The following RHOBTB1 variants were observed in gnomAD, a reference collection of about 807,000 sequenced individuals.
RHOBTB1 encodes Rho related BTB domain containing 1, also known as rho-related BTB domain-containing protein 1.
In RHOBTB1, 40 loss-of-function variants were observed where a neutral mutation model predicts 71.6. That is an observed-to-expected ratio of 0.56 (90% CI 0.43 to 0.73). RHOBTB1 has a LOEUF of 0.73. RHOBTB1 is among the 30% of genes least tolerant of loss of function. The probability of loss-of-function intolerance (pLI) is 0.00; values close to 1 mark genes in which losing one functional copy is unlikely to be tolerated. For synonymous variants in RHOBTB1, 319 were observed against 334.9 expected (o/e 0.95, Z 0.52); for missense variants, 797 against 894.0 (o/e 0.89, Z 1.38).
At chr10:60,910,811 G>T in intron 4 of RHOBTB1, 76 bp downstream of exon 4, 1 of 1,084,920 alleles carries the variant, frequency 9.2e-7, no homozygotes, top group South Asian at 1.3e-5. Flanking sequence ...GGTTTTTGTT[G>T]ATTTGTAAAC....
At chr10:60,948,293 C>T (rs1271802087), upstream of RHOBTB1, among the ~76,000 whole-genome samples, 7 of 152,210 alleles carry the variant, frequency 4.6e-5, no homozygotes, top group Non-Finnish European at 1.0e-4. Flanking sequence ...TATTGTTCAA[C>T]ATTTCTATTG....
At chr10:60,925,711 C>A (rs1232791722) in intron 2 of RHOBTB1, among the ~76,000 whole-genome samples, 1 of 151,976 alleles carries the variant, frequency 6.6e-6, no homozygotes, top group Non-Finnish European at 1.5e-5. Context: ...AATAAAATCA[C>A]ATATAAAAAA....
At chr10:60,904,886 AG>A (rs2082587341) in intron 4 of RHOBTB1, among the ~76,000 whole-genome samples, 2 of 152,170 alleles carry the variant, frequency 1.3e-5, no homozygotes, top group Non-Finnish European at 2.9e-5. Context: ...TTTTTGTTAC[AG>A]CAGCACACTG....
In RHOBTB1 at chr10:60,924,645, G is replaced by A. The variant is rs113516048; in HGVS notation, c.-10-13093C>T. Among the ~76,000 whole-genome samples, 812 of 152,130 alleles carry A rather than the reference G, an allele frequency of 5.3e-3. 13 individuals carry two copies. Among genetic ancestry groups the A allele is most frequent in the African/African-American group, 0.018 (753 of 41,494 alleles). Reference sequence around the variant, plus strand: ...CTTAGTCTGCACTATAGACCAAATGGACCTAACAGACATTTACAGAACATT... The same window carrying A: ...CTTAGTCTGCACTATAGACCAAATGAACCTAACAGACATTTACAGAACATT... On this transcript the variant is annotated intron_variant, in intron 2 of 10. Coordinates refer to ENST00000337910, the MANE Select transcript of RHOBTB1 (RefSeq NM_014836.5).
At chr10:60,898,642 A>T (rs1329084611) in intron 4 of RHOBTB1, among the ~76,000 whole-genome samples, 3 of 152,182 alleles carry the variant, frequency 2.0e-5, no homozygotes, top group African/African-American at 7.2e-5. Context: ...AGTGCCCTGG[A>T]TGTGAGCAGA....
intron 2 of RHOBTB1, among the ~76,000 whole-genome samples, chr10:60,957,272 AATTGTATTAATATGTTCT>A (rs2085626531): frequency 6.6e-6 from 1 of 152,188 alleles, no homozygotes; most frequent in South Asian, 2.1e-4. Context: ...TGCTGTACCT[AATTGTATTAATATGTTCT>A]ATACTTTTAT....
downstream of RHOBTB1, among the ~76,000 whole-genome samples, chr10:60,867,046 T>TAA (rs947162563): frequency 2.0e-5 from 3 of 152,170 alleles, no homozygotes; most frequent in Non-Finnish European, 4.4e-5. Flanking sequence ...ACTAAGCACT[T>TAA]ATTATGTCCA....
At chr10:60,876,688 A>G (rs2132290160) in intron 8 of RHOBTB1, among the ~76,000 whole-genome samples, 1 of 152,324 alleles carries the variant, frequency 6.6e-6, no homozygotes, top group Admixed American at 6.5e-5. Flanking sequence ...ATTTGGATCT[A>G]TTAAGTATAT....
downstream of RHOBTB1, among the ~76,000 whole-genome samples, chr10:60,867,938 G>A (rs1375398180): frequency 6.6e-6 from 1 of 152,000 alleles, no homozygotes; most frequent in Non-Finnish European, 1.5e-5. Flanking sequence ...TTAAGTCGAG[G>A]GATATGCAGT....
intron 7 of RHOBTB1, among the ~76,000 whole-genome samples, chr10:60,881,649 T>C (rs1415784650): frequency 2.6e-5 from 4 of 152,254 alleles, no homozygotes. Flanking sequence ...GAATAGATGC[T>C]ATTAAAAGCT....
intron 1 of RHOBTB1, among the ~76,000 whole-genome samples, chr10:60,999,228 C>T (rs932363550): frequency 2.0e-5 from 3 of 151,980 alleles, no homozygotes; most frequent in South Asian, 2.1e-4. Flanking sequence ...TTAGCAACTG[C>T]GCATCCAAAT....
At position 60,990,302 on chromosome 10, in the gene RHOBTB1, C is replaced by T. The variant is rs555427052; in HGVS notation, c.-162-4357G>A. On this transcript the variant is annotated intron_variant, in intron 1 of 11. Coordinates refer to the RHOBTB1 transcript ENST00000357917. ...CCGGCCAACCTCAGACTGTTCTATG[C>T]CCAAACTCCATCCTAGTTTCTCTCT... 4.2e-4 allele frequency among the ~76,000 whole-genome samples: 64 copies of T among 152,164 alleles called. 1 individual carries two copies. Among genetic ancestry groups the T allele is most frequent in the African/African-American group, 1.4e-3 (59 of 41,522 alleles).
intron 2 of RHOBTB1, among the ~76,000 whole-genome samples, chr10:60,923,485 T>C (rs373191317): frequency 2.6e-4 from 39 of 152,298 alleles, no homozygotes; most frequent in Admixed American, 1.6e-3. Context: ...AATTAATTAG[T>C]GAGGTACAGG....
upstream of RHOBTB1, among the ~76,000 whole-genome samples, chr10:61,001,868 C>A (rs1458369935): frequency 6.6e-6 from 1 of 152,246 alleles, no homozygotes; most frequent in African/African-American, 2.4e-5. Flanking sequence ...AGGACCCACC[C>A]ACCTCTGGGA....
At chr10:60,875,085 T>C (rs1462943741) in intron 8 of RHOBTB1, 43 bp from the exon 9 acceptor site, 1 of 1,476,002 alleles carries the variant, frequency 6.8e-7, no homozygotes. Flanking sequence ...AACCACGCCC[T>C]GCGAGCCAGG....
At chr10:60,981,786 T>A (rs961895541) in intron 2 of RHOBTB1, among the ~76,000 whole-genome samples, 2 of 152,110 alleles carry the variant, frequency 1.3e-5, no homozygotes, top group African/African-American at 4.8e-5. Flanking sequence ...TTTTTTTTTT[T>A]AACACGGAGT....
intron 2 of RHOBTB1, among the ~76,000 whole-genome samples, chr10:60,982,233 A>C (rs1368751071): frequency 6.6e-6 from 1 of 152,164 alleles, no homozygotes; most frequent in African/African-American, 2.4e-5. Context: ...CTACTCCTAA[A>C]GGCACCTATA....
chr10:60,946,487 A>G (rs868730808), upstream of RHOBTB1, among the ~76,000 whole-genome samples: 1 of 152,192 alleles, frequency 6.6e-6, no homozygotes, highest in African/African-American at 2.4e-5. Flanking sequence ...ACAACAACTG[A>G]TGAGGCAGAT....
At chr10:60,956,805 CAGAG>C (rs2085610122) in intron 2 of RHOBTB1, among the ~76,000 whole-genome samples, 1 of 151,998 alleles carries the variant, frequency 6.6e-6, no homozygotes, top group Non-Finnish European at 1.5e-5. Flanking sequence ...ATTAGGGTAG[CAGAG>C]AGGCAGCTGA....
Sources: allele counts gnomAD v4.1 joint callset (sites outside exome capture counted in the v4.1 genomes callset), GRCh38; gene constraint gnomAD v4.1.1; transcripts MANE v1.5; gene names NCBI Gene and HGNC (gene_info 2026-07-23, HGNC 2026-07-21).